PKHD1: variants seen among roughly 807,000 people sequenced by gnomAD.
PKHD1 encodes fibrocystin.
In PKHD1, 291 loss-of-function variants were observed where a neutral mutation model predicts 412.0. That is an observed-to-expected ratio of 0.71 (90% confidence interval 0.64 to 0.78). The LOEUF (loss-of-function observed/expected upper bound fraction) is 0.78, where lower values mean the gene tolerates loss of function less well. PKHD1 is among the 30% of genes least tolerant of loss of function. The pLI is 0.00. For missense variants in PKHD1, 4,825 were observed against 4,950.7 expected (o/e 0.97, Z 0.76); for synonymous variants, 1,777 against 1,821.5 (o/e 0.98, Z 0.62).
chr6:51,931,145 A>G (rs535398326), intron 37 of PKHD1, among the ~76,000 whole-genome samples: 1 of 152,108 alleles, frequency 6.6e-6, no homozygotes, highest in Non-Finnish European at 1.5e-5. Flanking sequence ...CACTTGAACC[A>G]GTGTTTCTCT....
chr6:51,891,445 AATTTTGT>A (rs1779109072), intron 43 of PKHD1, among the ~76,000 whole-genome samples: 1 of 151,814 alleles, frequency 6.6e-6, no homozygotes, highest in South Asian at 2.1e-4. Flanking sequence ...ATGCCTGGCT[AATTTTGT>A]ATTTTTAGTA....
intron 52 of PKHD1, among the ~76,000 whole-genome samples, chr6:51,801,717 C>T (rs1762972018): frequency 6.6e-6 from 1 of 150,616 alleles, no homozygotes; most frequent in Admixed American, 6.6e-5. Context: ...AATAGCTCTT[C>T]TCACTCTCAC....
At chr6:51,721,363 CTATATTAT>C in intron 60 of PKHD1, 1 of 462,732 alleles carries the variant, frequency 2.2e-6, no homozygotes, top group Non-Finnish European at 2.8e-6. Context: ...GATAATATAC[CTATATTAT>C]TATATTATTA....
chr6:52,053,013 T>C (rs1396074826), intron 21 of PKHD1, 63 bp downstream of exon 21: 10 of 1,499,176 alleles, frequency 6.7e-6, no homozygotes, highest in African/African-American at 1.4e-5. Context: ...CAGTAACCCC[T>C]AGCAGGAAAG....
intron 35 of PKHD1, among the ~76,000 whole-genome samples, chr6:52,002,026 A>G (rs6912439): frequency 0.024 from 3,644 of 152,294 alleles, 165 homozygotes; most frequent in African/African-American, 0.083. Context: ...CACTACATGC[A>G]TTAATTAATT....
intron 60 of PKHD1, among the ~76,000 whole-genome samples, chr6:51,743,140 G>A (rs1432098216): frequency 1.3e-5 from 2 of 152,080 alleles, no homozygotes; most frequent in Non-Finnish European, 2.9e-5. Flanking sequence ...GTGGAAAGCT[G>A]AAAATATCCC....
chr6:51,947,761 C>T (rs1789687285), intron 36 of PKHD1, among the ~76,000 whole-genome samples: 1 of 152,094 alleles, frequency 6.6e-6, no homozygotes, highest in Non-Finnish European at 1.5e-5. Flanking sequence ...TAAACACCAT[C>T]GCACGCTAAT....
chr6:51,653,522 C>T (rs1771306823), intron 61 of PKHD1, among the ~76,000 whole-genome samples: 1 of 152,124 alleles, frequency 6.6e-6, no homozygotes, highest in African/African-American at 2.4e-5. Flanking sequence ...TTGCCTTCAA[C>T]TTCACATTCT....
intron 49 of PKHD1, among the ~76,000 whole-genome samples, chr6:51,850,099 G>C (rs563169675): frequency 6.6e-6 from 1 of 152,260 alleles, no homozygotes; most frequent in Non-Finnish European, 1.5e-5. Context: ...TTCAGTTTCA[G>C]TTTTCTGCAT....
intron 27 of PKHD1, among the ~76,000 whole-genome samples, chr6:52,042,462 T>C (rs2128181424): frequency 6.6e-6 from 1 of 152,322 alleles, no homozygotes; most frequent in Non-Finnish European, 1.5e-5. Flanking sequence ...GGAGAAATAT[T>C]TGATTTTCCA....
intron 15 of PKHD1, among the ~76,000 whole-genome samples, chr6:52,059,212 C>T (rs1043975467): frequency 6.6e-6 from 1 of 151,088 alleles, no homozygotes; most frequent in Non-Finnish European, 1.5e-5. Flanking sequence ...CTTTTGCTAT[C>T]CAAGTGGATT....
chr6:52,055,579 C>A lies in PKHD1; in HGVS notation c.1836+8G>T, dbSNP rs754740917. On this transcript the variant is annotated splice_region_variant and intron_variant, in intron 19 of 66. Transcript: ENST00000371117. Reference sequence around the variant, plus strand: ...ACCTGACCCAGAAGCACAAAGACTGCTACTCACGTGTGTATACTGATCTAG... The same window carrying A: ...ACCTGACCCAGAAGCACAAAGACTGATACTCACGTGTGTATACTGATCTAG... 1 of 1,613,958 alleles carries A rather than the reference C, an allele frequency of 6.2e-7. No homozygotes were observed. The highest frequency in any genetic ancestry group is 2.2e-5 in the East Asian group (1 of 44,866).
At chr6:51,989,935 AGAAGGAAGGAAGAAAGGAAGGAAAGAAG>A (rs1796768714) in intron 35 of PKHD1, among the ~76,000 whole-genome samples, 3 of 23,318 alleles carry the variant, frequency 1.3e-4, no homozygotes, top group East Asian at 1.6e-3. Context: ...AAGGAAGGAA[AGAAGGAAGGAAGAAAGGAAGGAAAGAAG>A]GAAGGAAGGA....
intron 52 of PKHD1, among the ~76,000 whole-genome samples, chr6:51,801,845 C>A (rs976803663): frequency 1.3e-5 from 2 of 152,082 alleles, no homozygotes; most frequent in African/African-American, 2.4e-5. Context: ...GTAGAATAAA[C>A]ATTTTAAATT....
At chr6:52,002,964 C>CA (rs1163084760) in intron 35 of PKHD1, among the ~76,000 whole-genome samples, 1 of 152,162 alleles carries the variant, frequency 6.6e-6, no homozygotes, top group Non-Finnish European at 1.5e-5. Flanking sequence ...TATATGCCTT[C>CA]ATCCATCCAT....
intron 50 of PKHD1, among the ~76,000 whole-genome samples, chr6:51,836,961 A>G (rs1769345329): frequency 2.0e-5 from 3 of 152,124 alleles, no homozygotes; most frequent in Admixed American, 2.0e-4. Context: ...ATCCAAGCCA[A>G]CTGAGCACAT....
chr6:52,060,842 A>G (rs1808564304), intron 14 of PKHD1, among the ~76,000 whole-genome samples: 1 of 152,154 alleles, frequency 6.6e-6, no homozygotes, highest in Admixed American at 6.5e-5. Flanking sequence ...TTAAAAGTCC[A>G]CAATATAATT....
Position 51,960,635 on chromosome 6 carries a change from C to T in PKHD1, c.5752-609G>A, listed in dbSNP as rs180721950. ...CTTTTTTGATATTATTGTTGCCTTT[C>T]CCCCTGTGCCTGGTGCATCAGGGCT... is the stretch of plus-strand genomic sequence containing the variant. On this transcript the variant is annotated intron_variant, in intron 35 of 66. Transcript: ENST00000371117. 3.7e-4 allele frequency among the ~76,000 whole-genome samples: 57 copies of T among 152,236 alleles called. 1 individual carries two copies. In the East Asian group the frequency reaches 0.01, roughly 28 times the overall value.
intron 53 of PKHD1, among the ~76,000 whole-genome samples, chr6:51,777,106 A>G (rs1791150306): frequency 6.6e-6 from 1 of 152,178 alleles, no homozygotes; most frequent in Admixed American, 6.6e-5. Flanking sequence ...GCGACTTCCC[A>G]GTATATAAAT....
Sources: gnomAD v4.1 joint callset for allele counts (sites outside exome capture counted in the v4.1 genomes callset) on GRCh38, gnomAD v4.1.1 for gene constraint, MANE v1.5 for transcripts, NCBI Gene and HGNC (gene_info 2026-07-23, HGNC 2026-07-21) for gene names.